RRAS2: variants seen among roughly 807,000 people sequenced by gnomAD.
RRAS2 encodes the protein ras-related protein R-Ras2.
A neutral mutation model predicts 27.6 loss-of-function variants in RRAS2; 7 were observed. The observed-to-expected ratio is 0.25, with a 90% CI of 0.14 to 0.48. The LOEUF (loss-of-function observed/expected upper bound fraction) is 0.48, where lower values mean the gene tolerates loss of function less well. RRAS2 is among the 20% of genes least tolerant of loss of function. RRAS2 has a pLI of 0.99. For missense variants in RRAS2, 178 were observed against 256.2 expected (o/e 0.69, Z 2.08); for synonymous variants, 86 against 90.9 (o/e 0.95, Z 0.31).
At chr11:14,344,555 A>G (rs1554953834) in intron 1 of RRAS2, among the ~76,000 whole-genome samples, 1 of 152,236 alleles carries the variant, frequency 6.6e-6, no homozygotes, top group East Asian at 1.9e-4. Context: ...CTTCCTCTGC[A>G]GTTTGACTTG....
chr11:14,352,050 T>C (rs1188770183), intron 1 of RRAS2, among the ~76,000 whole-genome samples: 1 of 152,200 alleles, frequency 6.6e-6, no homozygotes, highest in Non-Finnish European at 1.5e-5. Flanking sequence ...TAGTAAAATG[T>C]TACCATTTGG....
intron 4 of RRAS2, among the ~76,000 whole-genome samples, chr11:14,292,628 C>CT (rs1270132367): frequency 6.6e-6 from 1 of 151,886 alleles, no homozygotes; most frequent in Non-Finnish European, 1.5e-5. Context: ...ACTGTCTATG[C>CT]TAGGTTTATA....
intron 4 of RRAS2, among the ~76,000 whole-genome samples, chr11:14,290,833 G>A (rs1310130105): frequency 3.3e-5 from 5 of 152,100 alleles, no homozygotes; most frequent in African/African-American, 1.2e-4. Flanking sequence ...TATTAAAGAG[G>A]GGCAGAAAAA....
intron 1 of RRAS2, among the ~76,000 whole-genome samples, chr11:14,311,849 CTT>C (rs1290183770): frequency 6.6e-6 from 1 of 151,742 alleles, no homozygotes; most frequent in Non-Finnish European, 1.5e-5. Flanking sequence ...GTCATGGTAG[CTT>C]TGTTACTGTG....
intron 1 of RRAS2, among the ~76,000 whole-genome samples, chr11:14,353,504 G>A (rs535669403): frequency 2.6e-5 from 4 of 151,848 alleles, no homozygotes; most frequent in South Asian, 2.1e-4. Context: ...CTGGAGAATC[G>A]CTTGAACCTA....
intron 1 of RRAS2, among the ~76,000 whole-genome samples, chr11:14,319,270 G>A (rs1564969225): frequency 6.7e-6 from 1 of 148,886 alleles, no homozygotes; most frequent in East Asian, 2.0e-4. Context: ...AGCAGGAAAA[G>A]AAGCTTTTCC....
At chr11:14,350,795 G>A (rs1045748735) in intron 1 of RRAS2, among the ~76,000 whole-genome samples, 14 of 152,098 alleles carry the variant, frequency 9.2e-5, no homozygotes, top group African/African-American at 2.4e-4. Flanking sequence ...CATGCCACTC[G>A]CAGGCTGAGT....
intron 4 of RRAS2, among the ~76,000 whole-genome samples, chr11:14,289,053 C>CA (rs1554945451): frequency 6.6e-6 from 1 of 152,118 alleles, no homozygotes; most frequent in African/African-American, 2.4e-5. Context: ...CACCTACATT[C>CA]ACCATCTAAA....
intron 1 of RRAS2, chr11:14,356,615 C>G: frequency 3.8e-6 from 1 of 261,336 alleles, no homozygotes; most frequent in Non-Finnish European, 7.5e-6. Flanking sequence ...CTTTAAAAGA[C>G]ACACATGCTC....
rs1256334134 is a variant in RRAS2 at position 14,358,027 on chromosome 11, G to A, written c.108+736C>T. ...AGGGTGGTTAGAAAACAGAACGCAC[G>A]ACTCGGTCATATCCTAGCCCGGCCC... On this transcript the variant is annotated intron_variant, in intron 1 of 5. Coordinates refer to ENST00000256196, the MANE Select transcript of RRAS2 (RefSeq NM_012250.6). This position sits in a 1 kb window ranked among gnomAD's most constrained non-coding sequence, Gnocchi z 5.1. Among the ~76,000 whole-genome samples the A allele has an allele frequency of 2.0e-5, 3 of 152,098 alleles. No individual in the cohort carries two copies. The highest frequency in any genetic ancestry group is 6.5e-5 in the Admixed American group (1 of 15,268).
chr11:14,359,237 G>T, upstream of RRAS2: 1 of 794,922 alleles, frequency 1.3e-6, no homozygotes, highest in Non-Finnish European at 1.5e-6. Flanking sequence ...GGCGGGGAGG[G>T]GCGGGGCCGC....
intron 4 of RRAS2, among the ~76,000 whole-genome samples, chr11:14,290,059 A>G (rs918398611): frequency 6.6e-6 from 1 of 152,240 alleles, no homozygotes; most frequent in African/African-American, 2.4e-5. Context: ...AGAAGCTTTT[A>G]CAGCATCCCC....
In RRAS2 at chr11:14,351,852, G is replaced by A. The variant is rs184467463; in HGVS notation, c.108+6911C>T. 2.0e-4 allele frequency among the ~76,000 whole-genome samples: 29 copies of A among 142,810 alleles called. No individual in the cohort carries two copies. In the Admixed American group the frequency reaches 2.1e-3, roughly 10 times the overall value. 93.7% of individuals were successfully genotyped at this position (142,810 alleles called of 152,430 possible). A position where few individuals can be genotyped will look rare whatever the true frequency, so the allele number is the denominator to read the frequency against. Reference sequence around the variant, plus strand: ...GGAGGTTGCAATGAGCCGAGATTGTGCCACTGCACTCCAGCCTGGGTGACA... The same window carrying A: ...GGAGGTTGCAATGAGCCGAGATTGTACCACTGCACTCCAGCCTGGGTGACA... On this transcript the variant is annotated intron_variant, in intron 1 of 5. Transcript: ENST00000256196.
At chr11:14,307,347 G>T (rs1250682987) in intron 1 of RRAS2, among the ~76,000 whole-genome samples, 7 of 152,106 alleles carry the variant, frequency 4.6e-5, no homozygotes, top group African/African-American at 1.7e-4. Context: ...ATGTACGGGG[G>T]GAAATGTGAT....
At chr11:14,312,062 C>T (rs1591463492) in intron 1 of RRAS2, among the ~76,000 whole-genome samples, 1 of 151,246 alleles carries the variant, frequency 6.6e-6, no homozygotes, top group African/African-American at 2.4e-5. Flanking sequence ...ATGGGGTTTC[C>T]CCATGTTGGC....
chr11:14,357,827 G>A (rs1055783123), intron 1 of RRAS2, among the ~76,000 whole-genome samples: 5 of 152,126 alleles, frequency 3.3e-5, no homozygotes, highest in Non-Finnish European at 5.9e-5. Flanking sequence ...ACACCTTTTA[G>A]GTTGACAAAA....
intron 1 of RRAS2, among the ~76,000 whole-genome samples, chr11:14,304,541 T>C (rs868981115): frequency 6.6e-6 from 1 of 152,252 alleles, no homozygotes; most frequent in Admixed American, 6.5e-5. Context: ...CCAGTTAAAA[T>C]TGTGTTATAT....
rs115191961 is a variant in RRAS2, at chr11:14,352,354, A to G, written c.108+6409T>C. On this transcript the variant is annotated intron_variant, in intron 1 of 5. Coordinates refer to ENST00000256196, the MANE Select transcript of RRAS2 (RefSeq NM_012250.6). ...AAAAATAAAATATAATTTATAAGAC[A>G]TCAAGGAGCTCAGTCCAATTATTCT... Among the ~76,000 whole-genome samples, 928 of 152,340 alleles carry G rather than the reference A, an allele frequency of 6.1e-3. 8 individuals are homozygous for G. The highest frequency in any genetic ancestry group is 0.021 in the African/African-American group (890 of 41,570).
At chr11:14,331,673 TAAAA>T (rs80130992) in intron 1 of RRAS2, among the ~76,000 whole-genome samples, 1 of 81,598 alleles carries the variant, frequency 1.2e-5, no homozygotes, top group Non-Finnish European at 2.4e-5. Context: ...CCCCAACTCT[TAAAA>T]AAAAAAAAAA....
Sources: allele counts gnomAD v4.1 joint callset (sites outside exome capture counted in the v4.1 genomes callset), GRCh38; gene constraint gnomAD v4.1.1; non-coding constraint Gnocchi (gnomAD v3.1); transcripts MANE v1.5; gene names NCBI Gene and HGNC (gene_info 2026-07-23, HGNC 2026-07-21).